PSMA6: variants seen among roughly 807,000 people sequenced by gnomAD.
PSMA6 encodes the protein proteasome 20S subunit alpha 6, also known as proteasome subunit alpha type-6.
For synonymous variants in PSMA6, 88 were observed against 97.7 expected (o/e 0.90, Z 0.59); for missense variants, 170 against 294.8 (o/e 0.58, Z 3.10).
upstream of PSMA6, among the ~76,000 whole-genome samples, chr14:35,290,874 ACT>A (rs1187522206): frequency 6.6e-6 from 1 of 152,066 alleles, no homozygotes; most frequent in Non-Finnish European, 1.5e-5. Flanking sequence ...GCTTGGAATT[ACT>A]CTCATTAATC....
chr14:35,293,323 C>T (rs2051524838), intron 1 of PSMA6: 1 of 237,838 alleles, frequency 4.2e-6, no homozygotes, highest in African/African-American at 2.3e-5. Context: ...TGGAAAGAAA[C>T]TATCAGTTAC....
upstream of PSMA6, among the ~76,000 whole-genome samples, chr14:35,290,247 A>AT (rs1195698264): frequency 6.6e-6 from 1 of 152,212 alleles, no homozygotes; most frequent in African/African-American, 2.4e-5. Flanking sequence ...GACTAAGTTC[A>AT]TCCTCCTAGC....
intron 1 of PSMA6, among the ~76,000 whole-genome samples, chr14:35,280,962 A>C (rs1020310308): frequency 6.6e-6 from 1 of 152,142 alleles, no homozygotes; most frequent in East Asian, 1.9e-4. Flanking sequence ...TAAACTTTCA[A>C]GTTCCTCATT....
At chr14:35,284,198 T>G (rs1026505875) in intron 1 of PSMA6, among the ~76,000 whole-genome samples, 5 of 152,220 alleles carry the variant, frequency 3.3e-5, no homozygotes. Context: ...TAGGTTAGGC[T>G]ATTGCCTAGC....
At chr14:35,317,045 G>A (rs2052056944) in intron 6 of PSMA6, 1 of 492,420 alleles carries the variant, frequency 2.0e-6, no homozygotes, top group African/African-American at 1.9e-5. Context: ...TATAGGTGAA[G>A]GTGGTATAAT....
chr14:35,290,412 C>CA (rs571767186), upstream of PSMA6, among the ~76,000 whole-genome samples: 241 of 152,314 alleles, frequency 1.6e-3, no homozygotes, highest in African/African-American at 5.6e-3. Flanking sequence ...AAACTTTTAT[C>CA]AGTCCACTTG....
chr14:35,289,968 C>CAG (rs1237718390), upstream of PSMA6, among the ~76,000 whole-genome samples: 2 of 144,436 alleles, frequency 1.4e-5, no homozygotes, highest in African/African-American at 2.6e-5. Flanking sequence ...CAAATGAAGG[C>CAG]AGAGGGGGAG....
At chr14:35,290,303 C>A (rs371422823), upstream of PSMA6, among the ~76,000 whole-genome samples, 13 of 152,068 alleles carry the variant, frequency 8.5e-5, no homozygotes, top group African/African-American at 3.1e-4. Context: ...GTAGGAATTA[C>A]AGTATACCAG....
intron 1 of PSMA6, among the ~76,000 whole-genome samples, chr14:35,278,989 C>T (rs1566545673): frequency 6.6e-6 from 1 of 151,858 alleles, no homozygotes; most frequent in South Asian, 2.1e-4. Flanking sequence ...GTTTTTTTCA[C>T]CTGACAGAAA....
At chr14:35,308,234 C>T (rs1453307972) in intron 2 of PSMA6, 146 bp downstream of exon 2, 1 of 973,574 alleles carries the variant, frequency 1.0e-6, no homozygotes. Context: ...CCAGCGTGAC[C>T]AACATGGAGA....
At chr14:35,289,446 C>T (rs553646237), upstream of PSMA6, among the ~76,000 whole-genome samples, 387 of 152,204 alleles carry the variant, frequency 2.5e-3, no homozygotes, top group Non-Finnish European at 4.0e-3. Flanking sequence ...TCTCCTGCCT[C>T]AACCTCTCCC....
At chr14:35,286,041 T>C (rs983571929) in intron 1 of PSMA6, among the ~76,000 whole-genome samples, 4 of 152,186 alleles carry the variant, frequency 2.6e-5, no homozygotes, top group African/African-American at 9.6e-5. Context: ...CCCCCTCCTT[T>C]CACAAAGAAG....
chr14:35,285,276 G>T (rs932185338), intron 1 of PSMA6, among the ~76,000 whole-genome samples: 1 of 150,334 alleles, frequency 6.7e-6, no homozygotes, highest in South Asian at 2.1e-4. Context: ...GGAGGCAGAG[G>T]TTGCAGTGAG....
chr14:35,314,495 G>A lies in PSMA6; in HGVS notation c.683+40G>A, dbSNP rs752169290. ...GGGCCACATGCAGACTAGAAAGGTG[G>A]AGGCGTGTGAGTCCATGTGTCCTAT... On this transcript the variant is annotated intron_variant, in intron 6 of 6. Coordinates refer to ENST00000261479, the MANE Select transcript of PSMA6 (RefSeq NM_002791.3). 14 of 1,585,720 alleles carry A rather than the reference G, an allele frequency of 8.8e-6. No homozygotes were observed. The African/African-American group carries it at 1.8e-4, about 20-fold the overall frequency.
At chr14:35,291,233 T>C (rs2051475494), upstream of PSMA6, among the ~76,000 whole-genome samples, 1 of 150,958 alleles carries the variant, frequency 6.6e-6, no homozygotes, top group South Asian at 2.1e-4. Flanking sequence ...TTTTTTTTTT[T>C]TTGAGACGGA....
At chr14:35,310,370 G>A (rs2051920643) in intron 3 of PSMA6, 2 of 343,116 alleles carry the variant, frequency 5.8e-6, no homozygotes, top group South Asian at 2.2e-5. Flanking sequence ...TGGCCAGGCT[G>A]GTCTCAAACT....
rs868420577 is a variant in PSMA6 at position 35,312,860 on chromosome 14, T to G, written c.410-21T>G. The G allele has an allele frequency of 2.0e-5, 31 of 1,559,098 alleles. No homozygotes were observed. In the Middle Eastern group the frequency reaches 1.2e-3, roughly 60 times the overall value. ...ATTGTATAAAGCTAAAACATTTAAT[T>G]AGGGTCTTTTCTCTTTTTAGGTATG... On this transcript the variant is annotated intron_variant, in intron 4 of 6. Coordinates refer to ENST00000261479, the MANE Select transcript of PSMA6 (RefSeq NM_002791.3).
intron 1 of PSMA6, among the ~76,000 whole-genome samples, chr14:35,298,807 C>G (rs1490296626): frequency 6.6e-6 from 1 of 151,876 alleles, no homozygotes; most frequent in African/African-American, 2.4e-5. Context: ...AATCTCAGAT[C>G]ACTATAACTT....
chr14:35,283,250 G>C (rs1194828510), intron 1 of PSMA6, among the ~76,000 whole-genome samples: 1 of 151,842 alleles, frequency 6.6e-6, no homozygotes, highest in South Asian at 2.1e-4. Context: ...TGGCTGGTCA[G>C]GTGTGGTGGC....
Sources: allele counts gnomAD v4.1 joint callset (sites outside exome capture counted in the v4.1 genomes callset), GRCh38; gene constraint gnomAD v4.1.1; transcripts MANE v1.5; gene names NCBI Gene and HGNC (gene_info 2026-07-23, HGNC 2026-07-21).